The following DYRK1A variants were observed in gnomAD, a reference collection of about 807,000 sequenced individuals.
The protein encoded by DYRK1A is dual specificity tyrosine-phosphorylation-regulated kinase 1A.
In DYRK1A, 9 loss-of-function variants were observed where a neutral mutation model predicts 79.7. The observed-to-expected ratio is 0.11, with a 90% CI of 0.07 to 0.20. The LOEUF is 0.20. DYRK1A is among the 10% of genes least tolerant of loss of function. The probability of loss-of-function intolerance (pLI) is 1.00; values close to 1 mark genes in which losing one functional copy is unlikely to be tolerated. For missense variants in DYRK1A, 622 were observed against 956.0 expected (o/e 0.65, Z 4.61); for synonymous variants, 349 against 329.7 (o/e 1.06, Z -0.63).
At chr21:37,376,621 T>C (rs2049546762) in intron 1 of DYRK1A, among the ~76,000 whole-genome samples, 1 of 152,164 alleles carries the variant, frequency 6.6e-6, no homozygotes, top group Admixed American at 6.5e-5. Flanking sequence ...TTCCTATCAC[T>C]GAGAGTGTTG....
intron 1 of DYRK1A, among the ~76,000 whole-genome samples, chr21:37,409,336 G>C (rs2050202860): frequency 6.6e-6 from 1 of 152,180 alleles, no homozygotes; most frequent in Admixed American, 6.5e-5. Flanking sequence ...GGAGCCAGGA[G>C]TTCACCTGGG....
At chr21:37,484,053 G>A (rs1020987391) in intron 5 of DYRK1A, among the ~76,000 whole-genome samples, 1 of 152,124 alleles carries the variant, frequency 6.6e-6, no homozygotes, top group Non-Finnish European at 1.5e-5. Context: ...AAGCATTACC[G>A]CCTGAGCTCC....
chr21:37,457,033 CTTACTTATTTATTTAT>C (rs201222556), intron 2 of DYRK1A, among the ~76,000 whole-genome samples: 8,287 of 117,612 alleles, frequency 0.07, 273 homozygotes, highest in East Asian at 0.1. Flanking sequence ...TACTTACTTA[CTTACTTATTTATTTAT>C]TTATTTATTT....
At chr21:37,445,181 A>G (rs184835642) in intron 2 of DYRK1A, among the ~76,000 whole-genome samples, 1 of 152,280 alleles carries the variant, frequency 6.6e-6, no homozygotes, top group East Asian at 1.9e-4. Flanking sequence ...TTTCATAGGG[A>G]ATTAATACTA....
chr21:37,439,521 G>C (rs2051026561), intron 2 of DYRK1A, among the ~76,000 whole-genome samples: 1 of 152,236 alleles, frequency 6.6e-6, no homozygotes, highest in East Asian at 1.9e-4. Flanking sequence ...AGGAGGTGCC[G>C]AGCACTACCA....
intron 1 of DYRK1A, among the ~76,000 whole-genome samples, chr21:37,417,506 C>CTTTTCTTTTTCTTTTTCT (rs3831374): frequency 0.025 from 1,756 of 69,962 alleles, 186 homozygotes; most frequent in East Asian, 0.08. Context: ...TTTTATTTTT[C>CTTTTCTTTTTCTTTTTCT]TTTTCTTTTT....
chr21:37,406,454 G>C (rs978753591), intron 1 of DYRK1A, among the ~76,000 whole-genome samples: 1 of 152,124 alleles, frequency 6.6e-6, no homozygotes, highest in Non-Finnish European at 1.5e-5. Context: ...CTAGTGCTTT[G>C]GGAGGCTGAG....
At position 37,490,250 on chromosome 21, in the gene DYRK1A, A is replaced by G; in HGVS notation, c.713A>G (p.Asp238Gly). The part of the protein sequence containing the change: ...VFEMLSYNLY[D>G]LLRNTNFRGV... Reference sequence around the variant, plus strand: ...GAAATGCTGTCCTACAACCTCTATGACTTGCTGAGAAACACCAATTTCCGA... The same window carrying G: ...GAAATGCTGTCCTACAACCTCTATGGCTTGCTGAGAAACACCAATTTCCGA... The change falls in exon 7 of 12, where the codon GAC (aspartate) becomes GGC (glycine). Residue 238 changes from aspartate to glycine, a missense_variant. Physicochemically the swap from Asp to Gly is moderately conservative, Grantham distance 94. Around this residue, in one of 5 missense-constraint regions of DYRK1A, gnomAD observed 138 missense variants for 346.4 expected, o/e 0.40. Transcript: ENST00000647188. The G allele has an allele frequency of 6.2e-7, 1 of 1,613,808 alleles. No individual in the cohort carries two copies.
intron 2 of DYRK1A, among the ~76,000 whole-genome samples, chr21:37,429,165 G>A (rs1444470245): frequency 1.3e-5 from 2 of 152,100 alleles, no homozygotes; most frequent in East Asian, 3.9e-4. Flanking sequence ...AAAAGATACC[G>A]AGATGTAAAT....
In DYRK1A at chr21:37,521,085, G is replaced by A. The variant is rs2053931989; in HGVS notation, c.*8554G>A. 6.6e-6 allele frequency: 1 copy of A among 152,202 alleles called. No homozygotes were observed. The highest frequency in any genetic ancestry group is 2.4e-5 in the African/African-American group (1 of 41,440). 9.4% of individuals were successfully genotyped at this position (152,202 alleles called of 1,614,324 possible). A position where few individuals can be genotyped will look rare whatever the true frequency, so the allele number is the denominator to read the frequency against. On this transcript the variant is annotated 3_prime_UTR_variant, in exon 12 of 12. Transcript: ENST00000647188. Reference sequence around the variant, plus strand: ...ACTTAACATCTTCTGTAGTCTTGAAGAATTCAGATGAGGAGCTTGTCCAGG... The same window carrying A: ...ACTTAACATCTTCTGTAGTCTTGAAAAATTCAGATGAGGAGCTTGTCCAGG...
At chr21:37,509,651 C>G (rs980248756) in intron 11 of DYRK1A, among the ~76,000 whole-genome samples, 1 of 152,180 alleles carries the variant, frequency 6.6e-6, no homozygotes, top group Non-Finnish European at 1.5e-5. Flanking sequence ...TCTTGAACTC[C>G]TGGGCTGAAG....
chr21:37,495,317 A>C (rs1462245118), intron 8 of DYRK1A, among the ~76,000 whole-genome samples: 1 of 151,878 alleles, frequency 6.6e-6, no homozygotes, highest in Non-Finnish European at 1.5e-5. Context: ...TGAGACTAGC[A>C]TAGGCAACAT....
intron 1 of DYRK1A, among the ~76,000 whole-genome samples, chr21:37,371,054 G>A (rs970247590): frequency 5.9e-5 from 9 of 152,170 alleles, no homozygotes; most frequent in African/African-American, 2.2e-4. Context: ...AAAGTTTGGA[G>A]AGTTAAAATT....
rs754108504 is a variant in DYRK1A at position 37,472,680 on chromosome 21, G to A, written c.11-4G>A. ...TCCTTTAAACCTCACTTATCTTCTT[G>A]TAGGAGGAGAGACTTCAGCATGCAA... On this transcript the variant is annotated splice_region_variant and splice_polypyrimidine_tract_variant and intron_variant, in intron 2 of 11. Coordinates refer to ENST00000647188, the MANE Select transcript of DYRK1A (RefSeq NM_001347721.2). 1.3e-6 allele frequency: 2 copies of A among 1,576,258 alleles called. No homozygotes were observed. Among genetic ancestry groups the A allele is most frequent in the Non-Finnish European group, 1.7e-6 (2 of 1,155,422 alleles).
chr21:37,417,353 G>A (rs1602444427), intron 1 of DYRK1A, among the ~76,000 whole-genome samples: 1 of 151,716 alleles, frequency 6.6e-6, no homozygotes, highest in African/African-American at 2.4e-5. Context: ...ACCACGCCCA[G>A]CTAATTTTTT....
chr21:37,519,785 A>G lies in DYRK1A; in HGVS notation c.*7254A>G, dbSNP rs1343889002. On this transcript the variant is annotated 3_prime_UTR_variant, in exon 12 of 12. Transcript: ENST00000647188. ...GAGGCGGAGTCTCGCTCTGTCGCCC[A>G]GGCTGGAGTGCAGTGGCGCGATCTC... The G allele has an allele frequency of 2.7e-5, 2 of 75,266 alleles. No individual in the cohort carries two copies. The highest frequency in any genetic ancestry group is 1.3e-4 in the African/African-American group (2 of 14,826). 4.7% of individuals were successfully genotyped at this position (75,266 alleles called of 1,614,324 possible). A position where few individuals can be genotyped will look rare whatever the true frequency, so the allele number is the denominator to read the frequency against.
chr21:37,399,433 C>A (rs2050015259), intron 1 of DYRK1A, among the ~76,000 whole-genome samples: 1 of 150,372 alleles, frequency 6.7e-6, no homozygotes, highest in Non-Finnish European at 1.5e-5. Flanking sequence ...GGGAACCATT[C>A]CTGCAGAGTT....
At chr21:37,493,269 A>G (rs976812574) in intron 8 of DYRK1A, 106 bp downstream of exon 8, 53 of 1,131,610 alleles carry the variant, frequency 4.7e-5, no homozygotes, top group Non-Finnish European at 6.0e-5. Flanking sequence ...TGTCTACTTA[A>G]TCATTCAAAT....
intron 2 of DYRK1A, among the ~76,000 whole-genome samples, chr21:37,421,120 C>T (rs2050462784): frequency 1.3e-5 from 2 of 152,016 alleles, no homozygotes; most frequent in African/African-American, 4.8e-5. Flanking sequence ...TTAAATTAGG[C>T]ATATTATAAG....
Sources: allele counts gnomAD v4.1 joint callset (sites outside exome capture counted in the v4.1 genomes callset), GRCh38; gene constraint gnomAD v4.1.1; regional missense constraint gnomAD v4.1.1; transcripts MANE v1.5; gene names NCBI Gene and HGNC (gene_info 2026-07-23, HGNC 2026-07-21).